The following ADAMTSL1 variants were observed in gnomAD, a reference collection of about 807,000 sequenced individuals.
ADAMTSL1 encodes the protein ADAMTS-like protein 1.
Under a neutral mutation model 201.8 loss-of-function variants are expected in ADAMTSL1, and 126 were observed. The ratio of observed to expected loss-of-function variants is 0.62; its 90% CI spans 0.54 to 0.72. ADAMTSL1 has a LOEUF of 0.72. Among genes scored for constraint, ADAMTSL1 ranks in the 30% least tolerant of loss-of-function variants. ADAMTSL1 has a pLI of 0.00. For synonymous variants in ADAMTSL1, 1,121 were observed against 903.4 expected, an observed-to-expected ratio of 1.24 and a Z score of -4.32; for missense variants, 2,679 against 2,277.8, an observed-to-expected ratio of 1.18 and a Z score of -3.59.
At chr9:18,144,548 A>G (rs1198418237) in intron 1 of ADAMTSL1, among the ~76,000 whole-genome samples, 3 of 152,100 alleles carry the variant, frequency 2.0e-5, no homozygotes, top group Non-Finnish European at 4.4e-5. Context: ...ACACATATGT[A>G]AAATTGGCTA....
At chr9:18,566,800 C>T (rs1821926607) in intron 3 of ADAMTSL1, among the ~76,000 whole-genome samples, 1 of 152,094 alleles carries the variant, frequency 6.6e-6, no homozygotes, top group South Asian at 2.1e-4. Flanking sequence ...GGCCACTGTG[C>T]TGACAAAACT....
At chr9:18,814,448 A>C (rs1823708310) in intron 20 of ADAMTSL1, among the ~76,000 whole-genome samples, 1 of 152,244 alleles carries the variant, frequency 6.6e-6, no homozygotes, top group Non-Finnish European at 1.5e-5. Flanking sequence ...AATGAGATAA[A>C]ATATTTGCAA....
At chr9:18,671,905 C>T (rs1425237564) in intron 9 of ADAMTSL1, among the ~76,000 whole-genome samples, 10 of 151,882 alleles carry the variant, frequency 6.6e-5, no homozygotes, top group African/African-American at 1.7e-4. Flanking sequence ...GGCGTGGCGG[C>T]GGGCGCCTGT....
chr9:18,801,994 T>G (rs1029149474), intron 20 of ADAMTSL1, among the ~76,000 whole-genome samples: 2 of 152,184 alleles, frequency 1.3e-5, no homozygotes, highest in African/African-American at 4.8e-5. Context: ...TTCAGAGTTG[T>G]GGCCGGGCAC....
chr9:18,786,733 A>G (rs1316368880), intron 19 of ADAMTSL1, among the ~76,000 whole-genome samples: 4 of 152,228 alleles, frequency 2.6e-5, no homozygotes, highest in African/African-American at 9.6e-5. Context: ...CAAGGTTTCT[A>G]GGAAAACAGC....
chr9:18,790,368 T>C (rs1437461119), intron 19 of ADAMTSL1, among the ~76,000 whole-genome samples: 1 of 152,148 alleles, frequency 6.6e-6, no homozygotes, highest in African/African-American at 2.4e-5. Flanking sequence ...TAGCTGGGCA[T>C]GGAGATCAAT....
rs544553051 is a variant in ADAMTSL1, at chr9:18,200,078, A to G, written c.207+36097A>G. On this transcript the variant is annotated intron_variant, in intron 2 of 29. Coordinates refer to the ADAMTSL1 transcript ENST00000680146. ...TTACTCCTGTTGAGAGAGAAGAGGA[A>G]CCCAAAATAAAACAACTCAAGTAAA... is the stretch of plus-strand genomic sequence containing the variant. Among the ~76,000 whole-genome samples, 3 of 152,176 alleles carry G rather than the reference A, an allele frequency of 2.0e-5. No individual in the cohort carries two copies. In the South Asian group the frequency reaches 6.2e-4, roughly 32 times the overall value.
At chr9:17,946,370 C>T (rs988713395) in intron 1 of ADAMTSL1, among the ~76,000 whole-genome samples, 2 of 151,948 alleles carry the variant, frequency 1.3e-5, no homozygotes, top group African/African-American at 4.8e-5. Context: ...AGAACATTCT[C>T]GTAAATGGAA....
At chr9:17,932,562 C>T (rs982853748) in intron 1 of ADAMTSL1, among the ~76,000 whole-genome samples, 2 of 152,038 alleles carry the variant, frequency 1.3e-5, no homozygotes, top group Non-Finnish European at 2.9e-5. Flanking sequence ...AAGACTTTTC[C>T]TATAGAATCA....
At chr9:18,625,852 T>C (rs1397862066) in intron 5 of ADAMTSL1, among the ~76,000 whole-genome samples, 1 of 152,204 alleles carries the variant, frequency 6.6e-6, no homozygotes, top group Non-Finnish European at 1.5e-5. Context: ...TGAGGTCACT[T>C]AACTCACTTA....
At chr9:18,407,966 T>C (rs1381544633) in intron 2 of ADAMTSL1, among the ~76,000 whole-genome samples, 3 of 152,210 alleles carry the variant, frequency 2.0e-5, no homozygotes, top group African/African-American at 7.2e-5. Flanking sequence ...AAAAAGACTG[T>C]AACATTTTTT....
intron 1 of ADAMTSL1, among the ~76,000 whole-genome samples, chr9:17,953,150 A>G (rs374604568): frequency 6.6e-6 from 1 of 152,082 alleles, no homozygotes. Flanking sequence ...TTGTATTGCT[A>G]AAAGTTCAGG....
At chr9:18,066,904 G>A (rs902972617) in intron 1 of ADAMTSL1, among the ~76,000 whole-genome samples, 10 of 152,140 alleles carry the variant, frequency 6.6e-5, no homozygotes, top group South Asian at 2.1e-4. Flanking sequence ...ACCAAACACC[G>A]CATATTCTCA....
At chr9:18,099,747 C>T (rs1351971457) in intron 1 of ADAMTSL1, among the ~76,000 whole-genome samples, 1 of 150,300 alleles carries the variant, frequency 6.7e-6, no homozygotes, top group Non-Finnish European at 1.5e-5. Context: ...ACGCCATTCT[C>T]TTGCCTCAGC....
intron 13 of ADAMTSL1, among the ~76,000 whole-genome samples, chr9:18,698,116 G>A (rs941562431): frequency 2.6e-5 from 4 of 152,108 alleles, no homozygotes; most frequent in Non-Finnish European, 5.9e-5. Flanking sequence ...ATAAGTTTTT[G>A]ATAAATACAT....
At chr9:18,511,424 ATT>A (rs1192424272) in intron 2 of ADAMTSL1, among the ~76,000 whole-genome samples, 1 of 152,060 alleles carries the variant, frequency 6.6e-6, no homozygotes, top group East Asian at 1.9e-4. Context: ...AAGTTAATAA[ATT>A]TTGAGTTAAA....
At chr9:17,947,365 A>G (rs907181831) in intron 1 of ADAMTSL1, among the ~76,000 whole-genome samples, 8 of 150,556 alleles carry the variant, frequency 5.3e-5, no homozygotes, top group African/African-American at 1.7e-4. Context: ...GCACTTGATA[A>G]TTTTGTAAAC....
chr9:18,604,027 C>A (rs549489472), intron 4 of ADAMTSL1, among the ~76,000 whole-genome samples: 31 of 152,298 alleles, frequency 2.0e-4, no homozygotes, highest in African/African-American at 7.2e-4. Context: ...CATATTTATC[C>A]CTATGCATTT....
At chr9:18,821,770 C>T (rs1314156988) in intron 21 of ADAMTSL1, among the ~76,000 whole-genome samples, 2 of 152,134 alleles carry the variant, frequency 1.3e-5, no homozygotes, top group African/African-American at 4.8e-5. Flanking sequence ...TCTAGAATTT[C>T]CCATGTAAAG....
Sources: gnomAD v4.1 joint callset for allele counts (sites outside exome capture counted in the v4.1 genomes callset) on GRCh38, gnomAD v4.1.1 for gene constraint, MANE v1.5 for transcripts, NCBI Gene and HGNC (gene_info 2026-07-23, HGNC 2026-07-21) for gene names.